Variants in ITGA7 observed in about 807,000 individuals in gnomAD.
ITGA7 encodes integrin subunit alpha 7.
A neutral mutation model predicts 131.6 loss-of-function variants in ITGA7; 84 were observed. The observed-to-expected ratio is 0.64, with a 90% CI of 0.54 to 0.77. The LOEUF (loss-of-function observed/expected upper bound fraction) is 0.77, where lower values mean the gene tolerates loss of function less well. Ranked by LOEUF, ITGA7 falls within the 30% of genes least tolerant of loss-of-function variation. The pLI, the probability that ITGA7 is intolerant of heterozygous loss-of-function variation, is 0.00. For synonymous variants in ITGA7, 548 were observed against 600.7 expected (o/e 0.91, Z 1.28); for missense variants, 1,399 against 1,482.9 (o/e 0.94, Z 0.93).
At position 55,694,276 on chromosome 12, in the gene ITGA7, C is replaced by A. The variant is rs775379371; in HGVS notation, c.2412G>T (p.Glu804Asp). ...CTCACCCTGCAATGGACAGTGGCAGCTCAATGAAGACACGGGCTCGTGCAG... is the reference window on the plus strand; with the variant it reads ...CTCACCCTGCAATGGACAGTGGCAGATCAATGAAGACACGGGCTCGTGCAG... ...PVSARARVFI[E>D]LPLSIAGMAI... Residue 804 changes from glutamate (E) to aspartate (D), a missense_variant, in exon 18 of 25, where the codon GAG (glutamate) becomes GAT (aspartate). Coordinates refer to ENST00000257879, the MANE Select transcript of ITGA7 (RefSeq NM_002206.3). The surrounding 1 kb of genome is among the most constrained non-coding windows in gnomAD (Gnocchi z 5.3). 2.5e-6 allele frequency: 4 copies of A among 1,613,978 alleles called. No individual in the cohort carries two copies. The highest frequency in any genetic ancestry group is 3.4e-6 in the Non-Finnish European group (4 of 1,180,048).
chr12:55,690,857 A>G (rs1174026624), intron 21 of ITGA7, among the ~76,000 whole-genome samples: 1 of 152,156 alleles, frequency 6.6e-6, no homozygotes, highest in Non-Finnish European at 1.5e-5. Flanking sequence ...TTCTCACTAA[A>G]CTATCACAAG....
At chr12:55,708,067 C>T (rs180850265), upstream of ITGA7, 3 of 978,484 alleles carry the variant, frequency 3.1e-6, no homozygotes, top group Non-Finnish European at 3.6e-6. Flanking sequence ...ACCACGCCCC[C>T]CAAGCCCAGC....
chr12:55,706,918 T>C (rs1213170564), intron 1 of ITGA7, among the ~76,000 whole-genome samples: 1 of 152,204 alleles, frequency 6.6e-6, no homozygotes, highest in East Asian at 1.9e-4. Context: ...GACCTGCAGA[T>C]CCTCTCCCAA....
chr12:55,704,448 G>A (rs1437512891), intron 1 of ITGA7, among the ~76,000 whole-genome samples: 1 of 152,192 alleles, frequency 6.6e-6, no homozygotes, highest in Non-Finnish European at 1.5e-5. Context: ...ACTACTTATT[G>A]AGAGTCTATT....
In ITGA7 at chr12:55,688,824, G is replaced by A; in HGVS notation, c.2958+20C>T. 6.4e-7 allele frequency: 1 copy of A among 1,573,156 alleles called. No homozygotes were observed. The highest frequency in any genetic ancestry group is 8.7e-7 in the Non-Finnish European group (1 of 1,143,000). ...TTGGAGGAAGAAGAAACACAGACTA[G>A]AGCCGAGTGGTATCCTCACCTCCAG... On this transcript the variant is annotated intron_variant, in intron 22 of 24. Coordinates refer to ENST00000257879, the MANE Select transcript of ITGA7 (RefSeq NM_002206.3).
Position 55,707,820 on chromosome 12 carries a change from G to GGCCCAGAC in ITGA7, c.-139_-138insGTCTGGGC. ...CGTCTCCCAGACGTTCGCCCCGCCA[G>GGCCCAGAC]CCCTCCCGCCCGCCCGCCGCTCCGC... On this transcript the variant is annotated 5_prime_UTR_variant, in exon 1 of 25. Transcript: ENST00000257879. 6.9e-7 allele frequency: 1 copy of GGCCCAGAC among 1,455,774 alleles called. No homozygotes were observed. Among genetic ancestry groups the GGCCCAGAC allele is most frequent in the Non-Finnish European group, 9.1e-7 (1 of 1,102,486 alleles). 90.2% of individuals were successfully genotyped at this position (1,455,774 alleles called of 1,614,324 possible).
upstream of ITGA7, chr12:55,708,148 G>T: frequency 1.7e-6 from 1 of 600,302 alleles, no homozygotes. Flanking sequence ...CACCCCGGGA[G>T]TGGTGGAGGC....
chr12:55,707,697 G>C lies in ITGA7; in HGVS notation c.-15C>G. On this transcript the variant is annotated 5_prime_UTR_variant, in exon 1 of 25. Coordinates refer to ENST00000257879, the MANE Select transcript of ITGA7 (RefSeq NM_002206.3). ...GCCCCGGCCATGGGACGATCCCTGC[G>C]CGAGCTCCCAGCGAATGCAAGGGAA... The C allele has an allele frequency of 1.3e-6, 2 of 1,560,764 alleles. No homozygotes were observed. Among genetic ancestry groups the C allele is most frequent in the Middle Eastern group, 1.7e-4 (1 of 5,990 alleles).
chr12:55,716,088 C>A (rs533860678), upstream of ITGA7: 1 of 1,583,888 alleles, frequency 6.3e-7, no homozygotes, highest in African/African-American at 1.3e-5. Context: ...TTCCAGCTTC[C>A]GGAGCCGGAG....
intron 21 of ITGA7, 112 bp downstream of exon 21, chr12:55,692,732 A>G (rs1871716195): frequency 5.1e-6 from 7 of 1,386,002 alleles, no homozygotes; most frequent in Non-Finnish European, 6.9e-6. Context: ...ATGAATTGTG[A>G]TGGGAACATC....
At chr12:55,695,782 T>C in intron 13 of ITGA7, 145 bp from the exon 14 acceptor site, 1 of 668,566 alleles carries the variant, frequency 1.5e-6, no homozygotes. Context: ...AGCCATGTGA[T>C]CCTGAACTGG....
At chr12:55,698,674 G>A in intron 6 of ITGA7, 36 bp downstream of exon 6, 2 of 1,612,650 alleles carry the variant, frequency 1.2e-6, no homozygotes, top group Non-Finnish European at 1.7e-6. Flanking sequence ...ACTAGACCCA[G>A]CCTCCCTCAG....
chr12:55,698,985 C>T (rs551843762), intron 5 of ITGA7, 68 bp from the exon 6 acceptor site: 2 of 1,386,504 alleles, frequency 1.4e-6, no homozygotes, highest in African/African-American at 1.4e-5. Context: ...TGTCACAGCT[C>T]CCCCAGCCCC....
chr12:55,714,702 T>TTA (rs1197711502), upstream of ITGA7, among the ~76,000 whole-genome samples: 1 of 126,888 alleles, frequency 7.9e-6, no homozygotes, highest in East Asian at 2.0e-4. Context: ...AATAATAATT[T>TTA]TATATATACA....
chr12:55,715,201 A>G (rs1380202258), upstream of ITGA7, among the ~76,000 whole-genome samples: 1 of 152,064 alleles, frequency 6.6e-6, no homozygotes, highest in Non-Finnish European at 1.5e-5. Flanking sequence ...TGTGATTCTA[A>G]TGTTTAGATT....
chr12:55,687,848 G>C, intron 24 of ITGA7, 123 bp downstream of exon 24: 1 of 1,290,270 alleles, frequency 7.8e-7, no homozygotes, highest in Admixed American at 1.7e-5. Flanking sequence ...GACATGCAGG[G>C]CAAGTGTTCA....
At chr12:55,686,109 C>T in intron 24 of ITGA7, 1 of 642,594 alleles carries the variant, frequency 1.6e-6, no homozygotes, top group Non-Finnish European at 2.4e-6. Flanking sequence ...TCACCCTGAA[C>T]ATTCCTGATC....
chr12:55,706,602 A>T (rs901068555), intron 1 of ITGA7, among the ~76,000 whole-genome samples: 1 of 152,090 alleles, frequency 6.6e-6, no homozygotes, highest in African/African-American at 2.4e-5. Context: ...GCAAGAGCCA[A>T]GGATACAGGC....
chr12:55,690,793 T>C (rs1316931497), intron 21 of ITGA7, among the ~76,000 whole-genome samples: 2 of 151,612 alleles, frequency 1.3e-5, no homozygotes, highest in African/African-American at 4.9e-5. Flanking sequence ...TATGCAGCCA[T>C]AAAAAATGAT....
Sources: allele counts gnomAD v4.1 joint callset (sites outside exome capture counted in the v4.1 genomes callset), GRCh38; gene constraint gnomAD v4.1.1; non-coding constraint Gnocchi (gnomAD v3.1); transcripts MANE v1.5; gene names NCBI Gene and HGNC (gene_info 2026-07-23, HGNC 2026-07-21).